Variants in CLSTN2 observed in about 807,000 individuals in gnomAD.
CLSTN2 encodes calsyntenin-2.
Under a neutral mutation model 101.2 loss-of-function variants are expected in CLSTN2, and 48 were observed. The ratio of observed to expected loss-of-function variants is 0.47; its 90% CI spans 0.38 to 0.60. The LOEUF (loss-of-function observed/expected upper bound fraction) is 0.60. Ranked by LOEUF, CLSTN2 falls within the 20% of genes least tolerant of loss-of-function variation. The pLI is 0.00. For missense variants in CLSTN2, 1,160 were observed against 1,238.2 expected (o/e 0.94, Z 0.95); for synonymous variants, 481 against 463.6 (o/e 1.04, Z -0.48).
chr3:140,009,296 G>T (rs2007023080), intron 1 of CLSTN2, among the ~76,000 whole-genome samples: 1 of 152,114 alleles, frequency 6.6e-6, no homozygotes, highest in Non-Finnish European at 1.5e-5. Context: ...TGCCTGCTTT[G>T]AATAGATTTC....
chr3:140,558,838 C>T lies in CLSTN2; in HGVS notation c.2022C>T (p.Pro674=), dbSNP rs140844010. ...IVSTFAKTEA[P]GDVKTTDPKS... is the part of the protein sequence containing the mutation. ...GCACCTTCGCCAAAACCGAAGCCCC[C>T]GGGGACGTGAAAACCACAGGTACAG... is the stretch of plus-strand genomic sequence containing the variant. Residue 674 remains proline (P), a synonymous_variant, in exon 12 of 17, where the codon CCC becomes CCT. Coordinates refer to ENST00000458420, the MANE Select transcript of CLSTN2 (RefSeq NM_022131.3). The T allele has an allele frequency of 3.0e-5, 48 of 1,613,748 alleles. No homozygotes were observed. In the Admixed American group the frequency reaches 3.8e-4, roughly 13 times the overall value.
In CLSTN2 at chr3:140,564,237, C is replaced by T. The variant is rs545982464; in HGVS notation, c.2667+92C>T. On this transcript the variant is annotated intron_variant, in intron 16 of 16. Coordinates refer to ENST00000458420, the MANE Select transcript of CLSTN2 (RefSeq NM_022131.3). ...CTATGCCTAAAGCAGCCCCATACCCCCTCCTTCTGGAAGCCCTGCCCCATC... is the reference window on the plus strand; with the variant it reads ...CTATGCCTAAAGCAGCCCCATACCCTCTCCTTCTGGAAGCCCTGCCCCATC... 16 of 1,186,778 alleles carry T rather than the reference C, an allele frequency of 1.3e-5. No individual in the cohort carries two copies. In the Admixed American group the frequency reaches 2.9e-4, roughly 21 times the overall value. 73.5% of individuals were successfully genotyped at this position (1,186,778 alleles called of 1,614,324 possible).
chr3:140,107,004 G>T (rs967354179), intron 1 of CLSTN2, among the ~76,000 whole-genome samples: 3 of 152,100 alleles, frequency 2.0e-5, no homozygotes, highest in Non-Finnish European at 2.9e-5. Flanking sequence ...CTTTTTTAAT[G>T]CAATTTCACT....
chr3:140,456,743 C>T lies in CLSTN2; in HGVS notation c.974-2778C>T, dbSNP rs757432872. On this transcript the variant is annotated intron_variant, in intron 6 of 16. Coordinates refer to ENST00000458420, the MANE Select transcript of CLSTN2 (RefSeq NM_022131.3). ...CAGAGGTTGCAGTGAGCCAAGATCG[C>T]GCCACTGTACTCTAGCCTGGGCGAG... Among the ~76,000 whole-genome samples the T allele has an allele frequency of 1.5e-4, 23 of 151,894 alleles. No homozygotes were observed. In the South Asian group the frequency reaches 2.3e-3, roughly 15 times the overall value.
chr3:140,134,936 A>G (rs1043649296), intron 1 of CLSTN2, among the ~76,000 whole-genome samples: 4 of 151,858 alleles, frequency 2.6e-5, no homozygotes, highest in African/African-American at 9.7e-5. Flanking sequence ...AAAGGTGACT[A>G]TATGAACATT....
rs557821048 is a variant in CLSTN2, at chr3:140,146,354, T to C, written c.110-29597T>C. The stretch of plus-strand genomic sequence containing the variant: ...TGTTTTTCTTAGGAAAAGGATATTG[T>C]AGAACTAGCAAAAGCTCAGCAAAGC... On this transcript the variant is annotated intron_variant, in intron 1 of 16. Coordinates refer to ENST00000458420, the MANE Select transcript of CLSTN2 (RefSeq NM_022131.3). Among the ~76,000 whole-genome samples the C allele has an allele frequency of 2.6e-5, 4 of 152,354 alleles. No individual in the cohort carries two copies. The South Asian group carries it at 8.3e-4, about 32-fold the overall frequency.
At chr3:140,521,251 C>G (rs1050973382) in intron 8 of CLSTN2, among the ~76,000 whole-genome samples, 1 of 152,092 alleles carries the variant, frequency 6.6e-6, no homozygotes, top group Non-Finnish European at 1.5e-5. Context: ...TGCATTTATT[C>G]GTTCTCATCT....
At chr3:140,434,733 C>T (rs954105634) in intron 5 of CLSTN2, among the ~76,000 whole-genome samples, 1 of 152,216 alleles carries the variant, frequency 6.6e-6, no homozygotes, top group African/African-American at 2.4e-5. Flanking sequence ...TTTCCGTCCA[C>T]TCTTCTGTCA....
chr3:139,992,022 A>T (rs1046407603), intron 1 of CLSTN2, among the ~76,000 whole-genome samples: 1 of 152,170 alleles, frequency 6.6e-6, no homozygotes, highest in African/African-American at 2.4e-5. Flanking sequence ...TGGGGTGGGG[A>T]TGCAATCACT....
At chr3:140,311,730 G>A (rs1023709408) in intron 2 of CLSTN2, among the ~76,000 whole-genome samples, 2 of 152,126 alleles carry the variant, frequency 1.3e-5, no homozygotes, top group African/African-American at 4.8e-5. Flanking sequence ...TTCCTGAGGA[G>A]GAAAGTGAGA....
chr3:140,308,833 T>C (rs955527405), intron 2 of CLSTN2, among the ~76,000 whole-genome samples: 8 of 152,206 alleles, frequency 5.3e-5, no homozygotes, highest in African/African-American at 1.9e-4. Context: ...TAGAATCCCT[T>C]CCCATCCTCC....
At chr3:140,058,322 A>T (rs2008136526) in intron 1 of CLSTN2, among the ~76,000 whole-genome samples, 1 of 152,182 alleles carries the variant, frequency 6.6e-6, no homozygotes, top group Non-Finnish European at 1.5e-5. Context: ...GCCTAGTAAT[A>T]TTGGAACTGG....
intron 2 of CLSTN2, among the ~76,000 whole-genome samples, chr3:140,228,375 G>A (rs770312868): frequency 2.9e-4 from 44 of 152,072 alleles, no homozygotes; most frequent in Non-Finnish European, 5.1e-4. Context: ...ATCTCCATCT[G>A]AGACCACCTC....
At chr3:140,049,018 C>A (rs530564070) in intron 1 of CLSTN2, among the ~76,000 whole-genome samples, 1 of 152,346 alleles carries the variant, frequency 6.6e-6, no homozygotes, top group African/African-American at 2.4e-5. Flanking sequence ...CCCCCTCCCC[C>A]CATCTCTTGG....
chr3:140,298,916 A>T (rs2087028382), intron 2 of CLSTN2, among the ~76,000 whole-genome samples: 3 of 152,172 alleles, frequency 2.0e-5, no homozygotes, highest in African/African-American at 7.2e-5. Flanking sequence ...GGAATCTGAG[A>T]TCCGGGAATA....
intron 9 of CLSTN2, among the ~76,000 whole-genome samples, chr3:140,542,334 G>T (rs761839235): frequency 2.6e-5 from 4 of 152,128 alleles, no homozygotes; most frequent in Non-Finnish European, 5.9e-5. Context: ...CTAACAGAAG[G>T]CTAGTCATAC....
At chr3:139,954,282 C>G (rs1396192700) in intron 1 of CLSTN2, among the ~76,000 whole-genome samples, 2 of 152,170 alleles carry the variant, frequency 1.3e-5, no homozygotes, top group Non-Finnish European at 2.9e-5. Context: ...TGCTGGCCAG[C>G]TGTGAGGTTT....
At chr3:140,129,499 A>T (rs2009489558) in intron 1 of CLSTN2, among the ~76,000 whole-genome samples, 1 of 152,194 alleles carries the variant, frequency 6.6e-6, no homozygotes. Flanking sequence ...TAAATACCCC[A>T]TAGGGAAGTG....
At chr3:140,159,619 A>G (rs570875888) in intron 1 of CLSTN2, among the ~76,000 whole-genome samples, 10 of 152,308 alleles carry the variant, frequency 6.6e-5, no homozygotes, top group African/African-American at 2.4e-4. Flanking sequence ...TTTCTCAAAG[A>G]ATTTAAAACA....
Sources: gnomAD v4.1 joint callset for allele counts (sites outside exome capture counted in the v4.1 genomes callset) on GRCh38, gnomAD v4.1.1 for gene constraint, MANE v1.5 for transcripts, NCBI Gene and HGNC (gene_info 2026-07-23, HGNC 2026-07-21) for gene names.